The following MORC3 variants were observed in gnomAD, a reference collection of about 807,000 sequenced individuals.
MORC3 encodes the protein MORC family CW-type zinc finger protein 3.
Under a neutral mutation model 109.1 loss-of-function variants are expected in MORC3, and 31 were observed. That is an observed-to-expected ratio of 0.28 (90% CI 0.21 to 0.38). MORC3 has a LOEUF of 0.38. Among genes scored for constraint, MORC3 ranks in the 10% least tolerant of loss-of-function variants. The pLI, the probability that MORC3 is intolerant of heterozygous loss-of-function variation, is 1.00. For missense variants in MORC3, 867 were observed against 1,135.8 expected, an observed-to-expected ratio of 0.76 and a Z score of 3.40; for synonymous variants, 395 against 380.7, an observed-to-expected ratio of 1.04 and a Z score of -0.44.
Position 36,375,396 on chromosome 21 carries a change from C to A in MORC3, c.*100C>A. On this transcript the variant is annotated 3_prime_UTR_variant, in exon 17 of 17. Coordinates refer to ENST00000400485, the MANE Select transcript of MORC3 (RefSeq NM_015358.3). ...TTTTATAGATATGATAGGCAACAGA[C>A]TGAAAACCATAATCTTTACTGTATT... 1 of 1,069,992 alleles carries A rather than the reference C, an allele frequency of 9.3e-7. No homozygotes were observed. The highest frequency in any genetic ancestry group is 1.3e-6 in the Non-Finnish European group (1 of 759,312). The allele number at this position is 1,069,992 out of a possible 1,614,324, so 66.3% of individuals were successfully genotyped here. A position where few individuals can be genotyped will look rare whatever the true frequency, so the allele number is the denominator to read the frequency against.
At chr21:36,340,416 C>T (rs1434963568) in intron 5 of MORC3, among the ~76,000 whole-genome samples, 2 of 152,072 alleles carry the variant, frequency 1.3e-5, no homozygotes, top group Non-Finnish European at 2.9e-5. Context: ...ACCCACTTCC[C>T]TCATAACCCC....
chr21:36,329,985 C>G (rs1442144393), intron 1 of MORC3, among the ~76,000 whole-genome samples: 2 of 152,106 alleles, frequency 1.3e-5, no homozygotes, highest in Non-Finnish European at 2.9e-5. Context: ...GCCTCAACCT[C>G]CCAAGTAGGT....
chr21:36,320,694 T>G (rs2085182310), intron 1 of MORC3: 3 of 190,864 alleles, frequency 1.6e-5, no homozygotes, highest in East Asian at 1.2e-4. Flanking sequence ...GGGTTCCGCG[T>G]CCAGAAACGC....
intron 2 of MORC3, 144 bp from the exon 3 acceptor site, chr21:36,336,730 C>A: frequency 2.8e-6 from 2 of 703,396 alleles, no homozygotes; most frequent in Non-Finnish European, 4.3e-6. Context: ...TGTTTAAAAT[C>A]TTTAAATTTT....
intron 1 of MORC3, among the ~76,000 whole-genome samples, chr21:36,327,768 T>C (rs1411454787): frequency 1.4e-5 from 2 of 146,290 alleles, no homozygotes; most frequent in Admixed American, 6.6e-5. Flanking sequence ...AGATAACAAC[T>C]TAGTTTCAGT....
chr21:36,366,748 C>T (rs1195372625), intron 14 of MORC3, among the ~76,000 whole-genome samples: 1 of 152,166 alleles, frequency 6.6e-6, no homozygotes, highest in East Asian at 1.9e-4. Context: ...AGCCACTTTG[C>T]CCGGCCTATT....
chr21:36,357,450 G>C (rs1248996483), intron 10 of MORC3, among the ~76,000 whole-genome samples: 3 of 151,800 alleles, frequency 2.0e-5, no homozygotes, highest in Admixed American at 6.6e-5. Context: ...ATACAGGTGG[G>C]GTCTCCCTGT....
Position 36,347,014 on chromosome 21 carries a change from AAAAAAAAAAAAAC to A in MORC3, c.1005+1987_1005+1999del, listed in dbSNP as rs928045789. ...GAGTGAGACCCTGTCTCTTAAAAAA[AAAAAAAAAAAAAC>A]AAAGAAATTGGGGCAAATAACAAAT... On this transcript the variant is annotated intron_variant, in intron 8 of 16. Transcript: ENST00000400485. Among the ~76,000 whole-genome samples the A allele has an allele frequency of 1.8e-3, 280 of 151,396 alleles. 1 individual carries two copies. The highest frequency in any genetic ancestry group is 6.2e-3 in the African/African-American group (254 of 40,900).
intron 6 of MORC3, among the ~76,000 whole-genome samples, chr21:36,343,692 C>T (rs1158544190): frequency 1.3e-5 from 2 of 151,910 alleles, no homozygotes; most frequent in Non-Finnish European, 2.9e-5. Flanking sequence ...CGTGATCCGC[C>T]CGCCTCGGCC....
At chr21:36,368,705 C>T (rs2085809644) in intron 14 of MORC3, among the ~76,000 whole-genome samples, 1 of 152,128 alleles carries the variant, frequency 6.6e-6, no homozygotes, top group Non-Finnish European at 1.5e-5. Context: ...GGGGAAACCC[C>T]ATCTGTACTA....
chr21:36,357,396 T>C (rs917759326), intron 10 of MORC3, among the ~76,000 whole-genome samples: 2 of 152,126 alleles, frequency 1.3e-5, no homozygotes, highest in Non-Finnish European at 2.9e-5. Flanking sequence ...GTGTATAGAC[T>C]TCCCATCGTA....
At chr21:36,352,271 G>A (rs1313043603) in intron 9 of MORC3, among the ~76,000 whole-genome samples, 1 of 151,976 alleles carries the variant, frequency 6.6e-6, no homozygotes, top group Non-Finnish European at 1.5e-5. Context: ...CACACACACG[G>A]CAAGCTACAT....
At chr21:36,326,715 T>C (rs1429461097) in intron 1 of MORC3, among the ~76,000 whole-genome samples, 1 of 152,152 alleles carries the variant, frequency 6.6e-6, no homozygotes, top group African/African-American at 2.4e-5. Flanking sequence ...TATTCATTAA[T>C]GTCTTCACGG....
intron 12 of MORC3, 141 bp downstream of exon 12, chr21:36,360,399 G>T: frequency 1.2e-6 from 1 of 824,720 alleles, no homozygotes; most frequent in Non-Finnish European, 1.9e-6. Context: ...AATATCAAGG[G>T]CTTTAAAAAC....
rs200396842 is a variant in MORC3 at position 36,372,502 on chromosome 21, G to A, written c.2637G>A (p.Glu879=). 2.7e-5 allele frequency: 43 copies of A among 1,590,984 alleles called. No homozygotes were observed. The highest frequency in any genetic ancestry group is 3.7e-5 in the Non-Finnish European group (43 of 1,174,984). The change falls in exon 16 of 17, where the codon GAG becomes GAA. Residue 879 remains glutamate, a synonymous_variant. Coordinates refer to ENST00000400485, the MANE Select transcript of MORC3 (RefSeq NM_015358.3). ...ATGTTTCAACATCAAGTAACATTGA[G>A]GAGTCTGTAAATCATATGGATGGAG... The part of the protein sequence containing the change: ...ATDVSTSSNI[E]ESVNHMDGES...
intron 15 of MORC3, among the ~76,000 whole-genome samples, chr21:36,370,473 T>TAAAA (rs2085842397): frequency 6.6e-6 from 1 of 151,686 alleles, no homozygotes; most frequent in Non-Finnish European, 1.5e-5. Context: ...TTATGTTCTT[T>TAAAA]TTTGGGCATC....
chr21:36,373,914 T>C (rs995523977), intron 16 of MORC3, among the ~76,000 whole-genome samples: 14 of 152,332 alleles, frequency 9.2e-5, no homozygotes, highest in Non-Finnish European at 1.8e-4. Context: ...TTTAGGTGTT[T>C]ATTGCTTAAA....
chr21:36,336,187 T>C (rs1019077333), intron 2 of MORC3, among the ~76,000 whole-genome samples: 1 of 150,640 alleles, frequency 6.6e-6, no homozygotes, highest in Non-Finnish European at 1.5e-5. Context: ...CACCTCAGCC[T>C]CCCAGAGTGC....
At chr21:36,333,275 C>T (rs891873773) in intron 1 of MORC3, 1 of 193,198 alleles carries the variant, frequency 5.2e-6, no homozygotes, top group Non-Finnish European at 1.0e-5. Context: ...TTGACAAAGT[C>T]TTAGTTGTGT....
Sources: gnomAD v4.1 joint callset for allele counts (sites outside exome capture counted in the v4.1 genomes callset) on GRCh38, gnomAD v4.1.1 for gene constraint, MANE v1.5 for transcripts, NCBI Gene and HGNC (gene_info 2026-07-23, HGNC 2026-07-21) for gene names.